The following RPL38 variants were observed in gnomAD, a reference collection of about 807,000 sequenced individuals.
RPL38 encodes the protein ribosomal protein L38.
RPL38 carries 2 observed loss-of-function variants against 12.8 expected under a neutral mutation model. That is an observed-to-expected ratio of 0.16 (90% CI 0.06 to 0.49). The LOEUF is 0.49. Ranked by LOEUF, RPL38 falls within the 20% of genes least tolerant of loss-of-function variation. RPL38 has a pLI of 0.96. For synonymous variants in RPL38, 42 were observed against 30.1 expected, an observed-to-expected ratio of 1.39 and a Z score of -1.29; for missense variants, 52 against 79.8, an observed-to-expected ratio of 0.65 and a Z score of 1.33.
At chr17:74,207,537 T>A (rs531805200) in intron 3 of RPL38, among the ~76,000 whole-genome samples, 188 of 150,852 alleles carry the variant, frequency 1.2e-3, no homozygotes, top group South Asian at 5.4e-3. Flanking sequence ...TTATTTATTT[T>A]TTTTTTGAGA....
At position 74,209,847 on chromosome 17, in the gene RPL38, G is replaced by T; in HGVS notation, c.*18G>T. 6.3e-7 allele frequency: 1 copy of T among 1,599,110 alleles called. No individual in the cohort carries two copies. The highest frequency in any genetic ancestry group is 8.6e-7 in the Non-Finnish European group (1 of 1,166,612). On this transcript the variant is annotated 3_prime_UTR_variant, in exon 5 of 5. Transcript: ENST00000311111. ...TGAAATGAACCAGACACACTGATTG[G>T]AACTGTATTATATTAAAATACTAAA...
At chr17:74,208,281 C>G (rs1488201306) in intron 3 of RPL38, among the ~76,000 whole-genome samples, 1 of 152,166 alleles carries the variant, frequency 6.6e-6, no homozygotes, top group Non-Finnish European at 1.5e-5. Context: ...AAGGGGTTGT[C>G]TCACAGCAGC....
chr17:74,204,251 C>CAA, intron 3 of RPL38, 61 bp downstream of exon 3: 1 of 1,476,330 alleles, frequency 6.8e-7, no homozygotes, highest in Non-Finnish European at 9.4e-7. Flanking sequence ...GCTCCGGGAG[C>CAA]GTCTTCCCCG....
chr17:74,204,448 A>G, intron 3 of RPL38: 1 of 504,304 alleles, frequency 2.0e-6, no homozygotes, highest in Non-Finnish European at 3.6e-6. Flanking sequence ...TCTTTCGTAT[A>G]ATATAGTAAA....
intron 3 of RPL38, chr17:74,204,534 T>C (rs1256954415): frequency 3.0e-6 from 1 of 330,714 alleles, no homozygotes; most frequent in Non-Finnish European, 5.7e-6. Flanking sequence ...TTCTCTGCAG[T>C]TGTGCAAAAT....
In RPL38 at chr17:74,204,117, C is replaced by T. The variant is rs140158954; in HGVS notation, c.4-13C>T. The T allele has an allele frequency of 9.9e-6, 16 of 1,614,030 alleles. No individual in the cohort carries two copies. The highest frequency in any genetic ancestry group is 4.0e-5 in the African/African-American group (3 of 74,914). Reference sequence around the variant, plus strand: ...TCTTTCCTCTCTGTTCACCCGCTTCCTTTGTGTTGCAGCCTCGGAAAATTG... The same window carrying T: ...TCTTTCCTCTCTGTTCACCCGCTTCTTTTGTGTTGCAGCCTCGGAAAATTG... On this transcript the variant is annotated splice_polypyrimidine_tract_variant and intron_variant, in intron 2 of 4. Transcript: ENST00000311111.
intron 4 of RPL38, 94 bp downstream of exon 4, chr17:74,209,403 T>A: frequency 7.0e-7 from 1 of 1,438,806 alleles, no homozygotes; most frequent in Non-Finnish European, 9.5e-7. Context: ...CCTCTCAGAT[T>A]TCAGAGCCCA....
intron 4 of RPL38, chr17:74,209,551 C>G: frequency 1.6e-6 from 1 of 632,788 alleles, no homozygotes; most frequent in Non-Finnish European, 2.7e-6. Flanking sequence ...CACGACCCTT[C>G]GAGGTTGGTG....
At chr17:74,207,795 C>T (rs911555616) in intron 3 of RPL38, among the ~76,000 whole-genome samples, 1 of 152,162 alleles carries the variant, frequency 6.6e-6, no homozygotes, top group African/African-American at 2.4e-5. Context: ...CGTGAACCAC[C>T]GCACCCAACT....
At chr17:74,208,571 G>T (rs1019572097) in intron 3 of RPL38, among the ~76,000 whole-genome samples, 2 of 152,182 alleles carry the variant, frequency 1.3e-5, no homozygotes, top group African/African-American at 4.8e-5. Flanking sequence ...TCCGGGAGTG[G>T]AGTGCTGAAA....
Position 74,209,236 on chromosome 17 carries a change from C to T in RPL38, c.114C>T (p.Cys38=), listed in dbSNP as rs111725994. 3.7e-6 allele frequency: 6 copies of T among 1,614,026 alleles called. No homozygotes were observed. Among genetic ancestry groups the T allele is most frequent in the Non-Finnish European group, 5.1e-6 (6 of 1,179,944 alleles). The change falls in exon 4 of 5, where the codon TGC becomes TGT. Residue 38 remains cysteine (C), a synonymous_variant. Transcript: ENST00000311111. ...ACAACGTGAAGTTTAAAGTTCGATG[C>T]AGCAGATACCTTTACACCCTGGTCA... ...NKDNVKFKVR[C]SRYLYTLVIT... is the part of the protein sequence containing the mutation.
At chr17:74,208,478 G>A (rs116036188) in intron 3 of RPL38, among the ~76,000 whole-genome samples, 2,859 of 152,286 alleles carry the variant, frequency 0.019, 94 homozygotes, top group African/African-American at 0.065. Flanking sequence ...CCCTGGGTGC[G>A]TGTTGTGCGC....
rs1446662477 is a variant in RPL38, at chr17:74,210,055, T to C, written c.*226T>C. The C allele has an allele frequency of 8.6e-6, 4 of 467,348 alleles. No individual in the cohort carries two copies. Among genetic ancestry groups the C allele is most frequent in the Non-Finnish European group, 1.5e-5 (4 of 265,548 alleles). The allele number at this position is 467,348 out of a possible 1,614,324, so 29.0% of individuals were successfully genotyped here. On this transcript the variant is annotated 3_prime_UTR_variant, in exon 5 of 5. Transcript: ENST00000311111. ...CATCCTGGAGCACAGTGGTGCGATA[T>C]CAGCTCACTACCACCTCCGCCTCCT...
chr17:74,209,655 C>T (rs2050146815), intron 4 of RPL38, 149 bp from the exon 5 acceptor site: 1 of 720,308 alleles, frequency 1.4e-6, no homozygotes, highest in African/African-American at 1.8e-5. Flanking sequence ...GTCTTTTTAT[C>T]AAACACTAAA....
chr17:74,206,700 T>TTTTC (rs1157044066), intron 3 of RPL38, among the ~76,000 whole-genome samples: 21 of 142,312 alleles, frequency 1.5e-4, no homozygotes, highest in African/African-American at 6.0e-4. Flanking sequence ...GCCTTCTGTT[T>TTTTC]TTTCTTTCTT....
chr17:74,206,622 C>A (rs1728740455), intron 3 of RPL38, among the ~76,000 whole-genome samples: 1 of 151,840 alleles, frequency 6.6e-6, no homozygotes, highest in Admixed American at 6.6e-5. Flanking sequence ...ACAAGTGGGT[C>A]TGCTATTGCA....
chr17:74,203,885 C>T (rs1226980291), intron 1 of RPL38, 33 bp from the exon 2 acceptor site: 2 of 1,533,898 alleles, frequency 1.3e-6, no homozygotes. Context: ...CCAGCCCCCG[C>T]GCCGTGTTAA....
chr17:74,206,771 G>T (rs899204687), intron 3 of RPL38, among the ~76,000 whole-genome samples: 23 of 135,002 alleles, frequency 1.7e-4, no homozygotes, highest in African/African-American at 5.4e-4. Flanking sequence ...GGAGAGCAGT[G>T]GCGGAATCTC....
In RPL38 at chr17:74,209,508, C is replaced by G; in HGVS notation, c.187+199C>G. 4.3e-6 allele frequency: 3 copies of G among 695,540 alleles called. No homozygotes were observed. The East Asian group carries it at 8.1e-5, about 19-fold the overall frequency. 43.1% of individuals were successfully genotyped at this position (695,540 alleles called of 1,614,324 possible). On this transcript the variant is annotated intron_variant, in intron 4 of 4. Coordinates refer to ENST00000311111, the MANE Select transcript of RPL38 (RefSeq NM_000999.4). ...CAGTACCAGAAATCATTTCCTTAGC[C>G]AGAAGAGCGGTTAGAGCTCATTTAA...
Sources: gnomAD v4.1 joint callset for allele counts (sites outside exome capture counted in the v4.1 genomes callset) on GRCh38, gnomAD v4.1.1 for gene constraint, MANE v1.5 for transcripts, NCBI Gene and HGNC (gene_info 2026-07-23, HGNC 2026-07-21) for gene names.